The following MARCHF8 variants were observed in gnomAD, a reference collection of about 807,000 sequenced individuals.
MARCHF8 encodes membrane associated ring-CH-type finger 8, also known as E3 ubiquitin-protein ligase MARCHF8.
In MARCHF8, 40 loss-of-function variants were observed where a neutral mutation model predicts 51.6. That is an observed-to-expected ratio of 0.77 (90% CI 0.60 to 1.01). The LOEUF (loss-of-function observed/expected upper bound fraction) is 1.01, where lower values mean the gene tolerates loss of function less well. Ranked by LOEUF, MARCHF8 falls within the 50% of genes least tolerant of loss-of-function variation. The pLI is 0.00. For synonymous variants in MARCHF8, 263 were observed against 280.3 expected, an observed-to-expected ratio of 0.94 and a Z score of 0.62; for missense variants, 685 against 708.6, an observed-to-expected ratio of 0.97 and a Z score of 0.38.
intron 2 of MARCHF8, among the ~76,000 whole-genome samples, chr10:45,502,997 A>C (rs1207688758): frequency 6.6e-6 from 1 of 152,206 alleles, no homozygotes; most frequent in Non-Finnish European, 1.5e-5. Context: ...ATGTAAGATA[A>C]CTGTAACAGA....
chr10:45,467,993 G>C (rs1843026150), intron 3 of MARCHF8, among the ~76,000 whole-genome samples: 1 of 151,882 alleles, frequency 6.6e-6, no homozygotes, highest in South Asian at 2.1e-4. Flanking sequence ...AAAAATTCTT[G>C]TAAAAATCCT....
At chr10:45,479,702 T>C (rs1405469281) in intron 3 of MARCHF8, among the ~76,000 whole-genome samples, 2 of 152,218 alleles carry the variant, frequency 1.3e-5, no homozygotes, top group Non-Finnish European at 2.9e-5. Context: ...TCTTCCCCCA[T>C]GATTGTGAGG....
intron 3 of MARCHF8, among the ~76,000 whole-genome samples, chr10:45,464,978 A>G (rs1272608434): frequency 6.6e-6 from 1 of 152,250 alleles, no homozygotes; most frequent in Admixed American, 6.5e-5. Context: ...AAGAAAATTT[A>G]GATTTGAAAG....
intron 1 of MARCHF8, among the ~76,000 whole-genome samples, chr10:45,559,030 T>C (rs919988060): frequency 6.6e-6 from 1 of 152,184 alleles, no homozygotes; most frequent in Non-Finnish European, 1.5e-5. Context: ...AAAGGTATAG[T>C]TTAAGATGTA....
intron 2 of MARCHF8, among the ~76,000 whole-genome samples, chr10:45,511,595 A>G (rs971981147): frequency 6.6e-6 from 1 of 152,200 alleles, no homozygotes; most frequent in Non-Finnish European, 1.5e-5. Flanking sequence ...TTTTTGGTGG[A>G]GACGGGGTTT....
At chr10:45,518,342 C>A (rs1297407961) in intron 2 of MARCHF8, among the ~76,000 whole-genome samples, 1 of 152,202 alleles carries the variant, frequency 6.6e-6, no homozygotes, top group Non-Finnish European at 1.5e-5. Context: ...TGACACAGAA[C>A]GCAGTTTGCA....
At chr10:45,460,396 C>T (rs1456849572) in intron 6 of MARCHF8, among the ~76,000 whole-genome samples, 2 of 152,238 alleles carry the variant, frequency 1.3e-5, no homozygotes, top group East Asian at 3.8e-4. Context: ...AGGCTACCAT[C>T]GCTCCACTTC....
chr10:45,506,427 T>C (rs1023758913), intron 2 of MARCHF8, among the ~76,000 whole-genome samples: 11 of 152,248 alleles, frequency 7.2e-5, no homozygotes, highest in African/African-American at 2.7e-4. Context: ...TCTAAGATTA[T>C]GGAAAAGGTA....
chr10:45,504,914 C>G (rs1257145043), intron 2 of MARCHF8, among the ~76,000 whole-genome samples: 1 of 152,180 alleles, frequency 6.6e-6, no homozygotes, highest in Non-Finnish European at 1.5e-5. Flanking sequence ...GGCCAGAGAT[C>G]ATTAACAATT....
chr10:45,459,174 A>G lies in MARCHF8; in HGVS notation c.1363T>C (p.Leu455=), dbSNP rs914233536. ...GCAGTACGGTCAATGAGCACATACA[A>G]GGACCAGACCACACATGTGATGGCA... ...VIAITCVVWS[L]YVLIDRTAEE... is the part of the protein sequence containing the mutation. Residue 455 remains leucine (L), a synonymous_variant, in exon 7 of 8, where the codon TTG becomes CTG. Coordinates refer to ENST00000453424, the MANE Select transcript of MARCHF8 (RefSeq NM_001282866.2). 2.5e-6 allele frequency: 4 copies of G among 1,614,012 alleles called. No individual in the cohort carries two copies. The Admixed American group carries it at 6.7e-5, about 27-fold the overall frequency.
intron 1 of MARCHF8, among the ~76,000 whole-genome samples, chr10:45,582,809 A>G (rs1274375889): frequency 6.6e-6 from 1 of 152,238 alleles, no homozygotes; most frequent in Non-Finnish European, 1.5e-5. Context: ...GGTGAAAAAA[A>G]CTAGGTAACT....
At chr10:45,534,299 T>C (rs999876272) in intron 1 of MARCHF8, among the ~76,000 whole-genome samples, 3 of 151,644 alleles carry the variant, frequency 2.0e-5, no homozygotes, top group African/African-American at 4.8e-5. Context: ...CACCAGACTA[T>C]AGTTTGCCAA....
At chr10:45,518,837 C>A (rs2043661436) in intron 2 of MARCHF8, among the ~76,000 whole-genome samples, 1 of 152,212 alleles carries the variant, frequency 6.6e-6, no homozygotes, top group African/African-American at 2.4e-5. Flanking sequence ...AAGCTACCAG[C>A]ATCCTATCAT....
chr10:45,480,754 G>A (rs952035777), intron 3 of MARCHF8, among the ~76,000 whole-genome samples: 1 of 152,224 alleles, frequency 6.6e-6, no homozygotes, highest in Non-Finnish European at 1.5e-5. Context: ...GCACTGGTAT[G>A]CTGCAAGGAT....
upstream of MARCHF8, among the ~76,000 whole-genome samples, chr10:45,538,869 G>A (rs967957605): frequency 4.6e-5 from 7 of 152,158 alleles, no homozygotes; most frequent in Non-Finnish European, 1.0e-4. Context: ...GTAATAATGG[G>A]AAAGTTTTAA....
rs1020495029 is a variant in MARCHF8 at position 45,575,180 on chromosome 10, C to T, written c.-79+19055G>A. On this transcript the variant is annotated intron_variant, in intron 1 of 6. Coordinates refer to the MARCHF8 transcript ENST00000319836. ...GCCATCAAAAAGTATCAGATCCCAT[C>T]GCCCAGGACAATGCTTATGCTAATA... is the stretch of plus-strand genomic sequence containing the variant. Among the ~76,000 whole-genome samples, 4 of 152,126 alleles carry T rather than the reference C, an allele frequency of 2.6e-5. No individual in the cohort carries two copies. The East Asian group carries it at 7.7e-4, about 29-fold the overall frequency.
At chr10:45,579,676 C>A (rs2044530880) in intron 1 of MARCHF8, among the ~76,000 whole-genome samples, 1 of 152,098 alleles carries the variant, frequency 6.6e-6, no homozygotes, top group African/African-American at 2.4e-5. Context: ...TAATTAGAAT[C>A]TTTTAGGAAA....
At chr10:45,546,498 CA>C (rs2044124558) in intron 1 of MARCHF8, among the ~76,000 whole-genome samples, 1 of 152,012 alleles carries the variant, frequency 6.6e-6, no homozygotes, top group Admixed American at 6.6e-5. Context: ...AAGAATAAAG[CA>C]GGCCAGGAGT....
At chr10:45,515,354 C>A (rs962953703) in intron 2 of MARCHF8, among the ~76,000 whole-genome samples, 1 of 152,198 alleles carries the variant, frequency 6.6e-6, no homozygotes, top group Non-Finnish European at 1.5e-5. Context: ...TCTGAACTCA[C>A]TGTAAACATC....
Sources: allele counts gnomAD v4.1 joint callset (sites outside exome capture counted in the v4.1 genomes callset), GRCh38; gene constraint gnomAD v4.1.1; transcripts MANE v1.5; gene names NCBI Gene and HGNC (gene_info 2026-07-23, HGNC 2026-07-21).